The following DACH1 variants were observed in gnomAD, a reference collection of about 807,000 sequenced individuals.
DACH1 encodes dachshund homolog 1.
Under a neutral mutation model 54.2 loss-of-function variants are expected in DACH1, and 12 were observed. That is an observed-to-expected ratio of 0.22 (90% CI 0.14 to 0.36). DACH1 has a LOEUF of 0.36. Among genes scored for constraint, DACH1 ranks in the 10% least tolerant of loss-of-function variants. The probability of loss-of-function intolerance (pLI) is 1.00; values close to 1 mark genes in which losing one functional copy is unlikely to be tolerated. For missense variants in DACH1, 805 were observed against 929.8 expected, an observed-to-expected ratio of 0.87 and a Z score of 1.75; for synonymous variants, 386 against 366.2, an observed-to-expected ratio of 1.05 and a Z score of -0.62.
At chr13:71,462,214 T>A (rs1269553205) in intron 10 of DACH1, among the ~76,000 whole-genome samples, 1 of 151,912 alleles carries the variant, frequency 6.6e-6, no homozygotes, top group Non-Finnish European at 1.5e-5. Context: ...CCACACTATA[T>A]GAAAATACAA....
intron 3 of DACH1, among the ~76,000 whole-genome samples, chr13:71,611,164 C>T (rs2138516402): frequency 6.6e-6 from 1 of 152,190 alleles, no homozygotes; most frequent in Non-Finnish European, 1.5e-5. Context: ...CAGACTTTCT[C>T]TTCATCAAGG....
intron 1 of DACH1, chr13:71,704,241 CA>C: frequency 3.9e-6 from 1 of 255,676 alleles, no homozygotes; most frequent in Non-Finnish European, 7.7e-6. Flanking sequence ...GCCTTTGAGA[CA>C]ACATAGAGTT....
intron 5 of DACH1, 37 bp downstream of exon 5, chr13:71,559,783 A>G: frequency 6.2e-7 from 1 of 1,613,186 alleles, no homozygotes; most frequent in Non-Finnish European, 8.5e-7. Flanking sequence ...ACCCTAATAA[A>G]GTTTAAAATG....
At chr13:71,787,478 A>G (rs965007342) in intron 1 of DACH1, among the ~76,000 whole-genome samples, 1 of 152,208 alleles carries the variant, frequency 6.6e-6, no homozygotes, top group Non-Finnish European at 1.5e-5. Flanking sequence ...GCCTAGAATC[A>G]TGACACCTGA....
chr13:71,636,366 G>A (rs1035130094), intron 2 of DACH1, among the ~76,000 whole-genome samples: 1 of 151,980 alleles, frequency 6.6e-6, no homozygotes, highest in African/African-American at 2.4e-5. Flanking sequence ...AAACTTTAAT[G>A]CATATTTAAA....
intron 1 of DACH1, among the ~76,000 whole-genome samples, chr13:71,694,027 A>G (rs771876806): frequency 6.6e-6 from 1 of 152,168 alleles, no homozygotes; most frequent in Non-Finnish European, 1.5e-5. Context: ...ATGAGGGTAA[A>G]AAAACCTATT....
At chr13:71,742,578 T>G (rs1469708644) in intron 1 of DACH1, among the ~76,000 whole-genome samples, 2 of 152,168 alleles carry the variant, frequency 1.3e-5, no homozygotes, top group African/African-American at 4.8e-5. Flanking sequence ...TTATTTGTAG[T>G]TTTCTCTGCA....
intron 1 of DACH1, among the ~76,000 whole-genome samples, chr13:71,840,041 G>A (rs1468085687): frequency 2.0e-5 from 3 of 151,988 alleles, no homozygotes; most frequent in Non-Finnish European, 2.9e-5. Flanking sequence ...CCACCTCCTC[G>A]GTTCAAGCAA....
At chr13:71,447,185 C>T (rs1874543993) in intron 10 of DACH1, among the ~76,000 whole-genome samples, 1 of 152,014 alleles carries the variant, frequency 6.6e-6, no homozygotes, top group Non-Finnish European at 1.5e-5. Context: ...AGATTTAGAT[C>T]TACAGAAAAT....
chr13:71,739,024 G>A (rs9542740), intron 1 of DACH1, among the ~76,000 whole-genome samples: 93,552 of 151,770 alleles, frequency 0.62, 35,976 homozygotes, highest in Non-Finnish European at 0.87. Flanking sequence ...AGGCCGAGGC[G>A]GGCGGATCAC....
chr13:71,541,839 G>A (rs1883144924), intron 6 of DACH1, among the ~76,000 whole-genome samples: 1 of 151,122 alleles, frequency 6.6e-6, no homozygotes, highest in South Asian at 2.1e-4. Flanking sequence ...ATTCTATGGA[G>A]CTTTTTAAAC....
chr13:71,791,968 C>T (rs959629718), intron 1 of DACH1, among the ~76,000 whole-genome samples: 1 of 152,174 alleles, frequency 6.6e-6, no homozygotes, highest in Admixed American at 6.5e-5. Flanking sequence ...AAAGCTCACC[C>T]TCTTTTCCAT....
intron 10 of DACH1, 78 bp from the exon 11 acceptor site, chr13:71,440,770 G>T (rs1873944232): frequency 2.6e-6 from 3 of 1,161,658 alleles, no homozygotes; most frequent in South Asian, 1.4e-5. Flanking sequence ...GATGTAACTT[G>T]ATATAAAATT....
chr13:71,460,109 C>A (rs1261969832), intron 10 of DACH1, among the ~76,000 whole-genome samples: 1 of 151,912 alleles, frequency 6.6e-6, no homozygotes, highest in African/African-American at 2.4e-5. Context: ...CCAAGGCAAC[C>A]AAGAACTGCA....
intron 4 of DACH1, among the ~76,000 whole-genome samples, chr13:71,565,797 C>CT (rs1884861382): frequency 6.6e-6 from 1 of 152,174 alleles, no homozygotes; most frequent in African/African-American, 2.4e-5. Context: ...CTCCTGTTGT[C>CT]TTTTTGAACT....
At chr13:71,697,674 T>C (rs527883452) in intron 1 of DACH1, among the ~76,000 whole-genome samples, 8 of 152,234 alleles carry the variant, frequency 5.3e-5, no homozygotes, top group Non-Finnish European at 7.3e-5. Context: ...TTTTTAATTA[T>C]ATTATTTAGT....
At chr13:71,545,689 A>G (rs567153722) in intron 6 of DACH1, among the ~76,000 whole-genome samples, 2 of 152,188 alleles carry the variant, frequency 1.3e-5, no homozygotes, top group African/African-American at 4.8e-5. Flanking sequence ...TTTTAACAAA[A>G]TATAGTCCAC....
chr13:71,761,281 C>T (rs888791744), intron 1 of DACH1, among the ~76,000 whole-genome samples: 23 of 152,110 alleles, frequency 1.5e-4, no homozygotes, highest in Admixed American at 4.6e-4. Context: ...TATATTTTCA[C>T]ACTTTGTAAT....
At chr13:71,695,851 T>C (rs750122012) in intron 1 of DACH1, among the ~76,000 whole-genome samples, 1 of 152,194 alleles carries the variant, frequency 6.6e-6, no homozygotes, top group Non-Finnish European at 1.5e-5. Flanking sequence ...GGGTTGAGTT[T>C]GGCAACTGCA....
Sources: allele counts gnomAD v4.1 joint callset (sites outside exome capture counted in the v4.1 genomes callset), GRCh38; gene constraint gnomAD v4.1.1; transcripts MANE v1.5; gene names NCBI Gene and HGNC (gene_info 2026-07-23, HGNC 2026-07-21).